The following ITGAM variants were observed in gnomAD, a reference collection of about 807,000 sequenced individuals.
ITGAM encodes integrin subunit alpha M, also known as integrin alpha-M.
Under a neutral mutation model 137.5 loss-of-function variants are expected in ITGAM, and 79 were observed. The ratio of observed to expected loss-of-function variants is 0.57; its 90% CI spans 0.48 to 0.69. The LOEUF (loss-of-function observed/expected upper bound fraction) is 0.69, where lower values mean the gene tolerates loss of function less well. Among genes scored for constraint, ITGAM ranks in the 30% least tolerant of loss-of-function variants. ITGAM has a pLI of 0.00. For missense variants in ITGAM, 1,343 were observed against 1,483.5 expected (o/e 0.91, Z 1.56); for synonymous variants, 583 against 592.3 (o/e 0.98, Z 0.23).
rs58443776 is a variant in ITGAM at position 31,274,610 on chromosome 16, A to ATTTATTTATTTATTTATT, written c.859-938_859-937insTTATTTATTTATTTATTT. Among the ~76,000 whole-genome samples the ATTTATTTATTTATTTATT allele has an allele frequency of 4.6e-3, 690 of 149,022 alleles. 12 individuals carry two copies. The highest frequency in any genetic ancestry group is 0.017 in the African/African-American group (662 of 39,104). The stretch of plus-strand genomic sequence containing the variant: ...CTTTATTTGTTTATTTTATTTATTT[A>ATTTATTTATTTATTTATT]TATTTATTTATTTATTTATTTTGAG... On this transcript the variant is annotated intron_variant, in intron 8 of 29. Coordinates refer to ENST00000544665, the MANE Select transcript of ITGAM (RefSeq NM_000632.4).
At chr16:31,331,364 C>T in intron 29 of ITGAM, 89 bp downstream of exon 29, 1 of 820,060 alleles carries the variant, frequency 1.2e-6, no homozygotes, top group Non-Finnish European at 2.0e-6. Context: ...GCGGGGCTGC[C>T]AGCTGTGTGA....
At chr16:31,274,423 G>A (rs972898893) in intron 8 of ITGAM, among the ~76,000 whole-genome samples, 2 of 152,054 alleles carry the variant, frequency 1.3e-5, no homozygotes, top group African/African-American at 4.8e-5. Flanking sequence ...CAGAGCCCTC[G>A]GCAGCAAATG....
chr16:31,307,712 C>T (rs571729022), intron 14 of ITGAM, among the ~76,000 whole-genome samples: 11,298 of 151,750 alleles, frequency 0.074, 1,312 homozygotes, highest in African/African-American at 0.25. Context: ...GAGAGGGCAT[C>T]CCTGTCTTGT....
In ITGAM at chr16:31,321,318, G is replaced by A. The variant is rs772622378; in HGVS notation, c.1785G>A (p.Met595Ile). 6.2e-7 allele frequency: 1 copy of A among 1,614,046 alleles called. No individual in the cohort carries two copies. Among genetic ancestry groups the A allele is most frequent in the African/African-American group, 1.3e-5 (1 of 75,064 alleles). Residue 595 changes from methionine to isoleucine, a missense_variant, in exon 15 of 30, where the codon ATG becomes ATA. Physicochemically the swap from Met to Ile is conservative, Grantham distance 10. Coordinates refer to ENST00000544665, the MANE Select transcript of ITGAM (RefSeq NM_000632.4). ...QSLSGGQDLT[M>I]DGLVDLTVGA... is the part of the protein sequence containing the mutation. Reference sequence around the variant, plus strand: ...TGAGTGGGGGCCAGGACCTCACAATGGATGGACTGGTAGACCTGACTGTAG... The same window carrying A: ...TGAGTGGGGGCCAGGACCTCACAATAGATGGACTGGTAGACCTGACTGTAG...
intron 22 of ITGAM, 47 bp from the exon 23 acceptor site, chr16:31,328,096 GACTA>G (rs1236153911): frequency 3.5e-5 from 49 of 1,393,188 alleles, no homozygotes; most frequent in South Asian, 1.5e-4. Context: ...GAGGAGCAAA[GACTA>G]ACTGTCAGTT....
rs2080495692 is a variant in ITGAM at position 31,325,265 on chromosome 16, T to C, written c.2366T>C (p.Leu789Pro). 2 of 1,610,788 alleles carry C rather than the reference T, an allele frequency of 1.2e-6. No individual in the cohort carries two copies. The highest frequency in any genetic ancestry group is 1.7e-6 in the Non-Finnish European group (2 of 1,178,176). ...GGCCTGTCTTCTTCTTCCCACAGCC[T>C]GGACTGCCTCGTGGTGGGTGGGCCC... ...DLSITFSFMSLDCLVVGGPRE... is the reference protein window; with the variant it reads ...DLSITFSFMSPDCLVVGGPRE... Residue 789 changes from leucine (L) to proline (P), a missense_variant and splice_region_variant, in exon 20 of 30, where the codon CTG becomes CCG. Coordinates refer to ENST00000544665, the MANE Select transcript of ITGAM (RefSeq NM_000632.4).
chr16:31,286,654 G>A (rs1221354516), intron 12 of ITGAM, among the ~76,000 whole-genome samples: 2 of 152,170 alleles, frequency 1.3e-5, no homozygotes, highest in Non-Finnish European at 2.9e-5. Flanking sequence ...CTTCCTTTGA[G>A]AAGTGTCTGT....
intron 14 of ITGAM, among the ~76,000 whole-genome samples, chr16:31,303,674 G>T (rs183218851): frequency 6.6e-6 from 1 of 152,136 alleles, no homozygotes; most frequent in East Asian, 1.9e-4. Flanking sequence ...TTATAGTTTA[G>T]CTCCCACTTA....
At chr16:31,271,176 G>A in intron 6 of ITGAM, 92 bp downstream of exon 6, 1 of 1,085,046 alleles carries the variant, frequency 9.2e-7, no homozygotes, top group Non-Finnish European at 1.2e-6. Flanking sequence ...CAGTTCAACT[G>A]CAGACATTGC....
rs34125826 is a variant in ITGAM at position 31,318,344 on chromosome 16, C to CTT, written c.1708-2881_1708-2880dup. 5.1e-4 allele frequency among the ~76,000 whole-genome samples: 67 copies of CTT among 131,488 alleles called. 2 individuals carry two copies. Among genetic ancestry groups the CTT allele is most frequent in the South Asian group, 1.4e-3 (6 of 4,182 alleles). The allele number at this position is 131,488 out of a possible 152,430, so 86.3% of individuals were successfully genotyped here. ...TGGTCTACCTAAAAGCTTGTCAGTT[C>CTT]TTTTTTTTTTTTTTTTTGAGATGGA... is the stretch of plus-strand genomic sequence containing the variant. On this transcript the variant is annotated intron_variant, in intron 14 of 29. Transcript: ENST00000544665.
chr16:31,305,135 A>T (rs1276962371), intron 14 of ITGAM, among the ~76,000 whole-genome samples: 1 of 152,134 alleles, frequency 6.6e-6, no homozygotes, highest in Non-Finnish European at 1.5e-5. Flanking sequence ...AATTTATTTC[A>T]GCAGTGTTTT....
intron 28 of ITGAM, 50 bp from the exon 29 acceptor site, chr16:31,331,115 C>A (rs2080576152): frequency 1.0e-6 from 1 of 954,412 alleles, no homozygotes; most frequent in African/African-American, 1.6e-5. Context: ...AATGGGGAAC[C>A]CCCAGAAATC....
intron 29 of ITGAM, 69 bp downstream of exon 29, chr16:31,331,344 G>C: frequency 1.1e-6 from 1 of 918,824 alleles, no homozygotes; most frequent in Non-Finnish European, 1.8e-6. Flanking sequence ...TCCGTGCCTC[G>C]GTTTCCCCGG....
At chr16:31,260,315 G>A (rs2079684986) in intron 1 of ITGAM, among the ~76,000 whole-genome samples, 1 of 152,158 alleles carries the variant, frequency 6.6e-6, no homozygotes. Flanking sequence ...GTGCAAGGCT[G>A]CTTGCCGGTC....
In ITGAM at chr16:31,331,201, C is replaced by A. The variant is rs568433102; in HGVS notation, c.3313C>A (p.Pro1105Thr). ...AGTGGAGCCGTTCGAGGTCCCCAAC[C>A]CCCTGCCGCTCATCGTGGGCAGCTC... ...TKVEPFEVPN[P>T]LPLIVGSSVG... Residue 1105 changes from proline (P) to threonine (T), a missense_variant, in exon 29 of 30, where the codon CCC (proline) becomes ACC (threonine). By Grantham distance (38) the Pro-to-Thr change is conservative. Coordinates refer to ENST00000544665, the MANE Select transcript of ITGAM (RefSeq NM_000632.4). The A allele has an allele frequency of 2.5e-6, 4 of 1,613,228 alleles. No individual in the cohort carries two copies. Among genetic ancestry groups the A allele is most frequent in the Non-Finnish European group, 3.4e-6 (4 of 1,179,550 alleles).
chr16:31,279,548 G>A (rs2079945639), intron 12 of ITGAM, among the ~76,000 whole-genome samples: 1 of 152,166 alleles, frequency 6.6e-6, no homozygotes, highest in African/African-American at 2.4e-5. Context: ...TTTGAGAAGT[G>A]TCTGTTCATA....
At position 31,324,809 on chromosome 16, in the gene ITGAM, G is replaced by A. The variant is rs991753356; in HGVS notation, c.2289+27G>A. ...TGAGTCCAGAGTTGGGGTCCTGCAG[G>A]GGTGTGGAAGAGACCAGAGACCAAG... On this transcript the variant is annotated intron_variant, in intron 18 of 29. Coordinates refer to ENST00000544665, the MANE Select transcript of ITGAM (RefSeq NM_000632.4). This position sits in a 1 kb window ranked among gnomAD's most constrained non-coding sequence, Gnocchi z 4.5. 2 of 1,548,776 alleles carry A rather than the reference G, an allele frequency of 1.3e-6. No homozygotes were observed. The highest frequency in any genetic ancestry group is 2.0e-5 in the Admixed American group (1 of 50,044).
At chr16:31,273,040 A>G (rs1464001194) in intron 7 of ITGAM, among the ~76,000 whole-genome samples, 2 of 151,962 alleles carry the variant, frequency 1.3e-5, no homozygotes, top group East Asian at 3.9e-4. Flanking sequence ...GTCTCATACC[A>G]GTAATGTCAG....
chr16:31,271,485 G>A (rs534131079), intron 6 of ITGAM, among the ~76,000 whole-genome samples: 46 of 152,202 alleles, frequency 3.0e-4, no homozygotes, highest in Admixed American at 1.2e-3. Flanking sequence ...CCCGAGTAGC[G>A]GGGATTACAG....
Sources: gnomAD v4.1 joint callset for allele counts (sites outside exome capture counted in the v4.1 genomes callset) on GRCh38, gnomAD v4.1.1 for gene constraint, Gnocchi (gnomAD v3.1) non-coding constraint, MANE v1.5 for transcripts, NCBI Gene and HGNC (gene_info 2026-07-23, HGNC 2026-07-21) for gene names.